The following STAG1 variants were observed in gnomAD, a reference collection of about 807,000 sequenced individuals.
STAG1 encodes the protein STAG1 cohesin complex component.
A neutral mutation model predicts 170.9 loss-of-function variants in STAG1; 26 were observed. The ratio of observed to expected loss-of-function variants is 0.15; its 90% confidence interval spans 0.11 to 0.21. The LOEUF is 0.21. Ranked by LOEUF, STAG1 falls within the 10% of genes least tolerant of loss-of-function variation. The probability of loss-of-function intolerance (pLI) is 1.00; values close to 1 mark genes in which losing one functional copy is unlikely to be tolerated. For synonymous variants in STAG1, 514 were observed against 497.7 expected, an observed-to-expected ratio of 1.03 and a Z score of -0.44; for missense variants, 964 against 1,509.5, an observed-to-expected ratio of 0.64 and a Z score of 5.99.
At chr3:136,643,121 T>C (rs1940866063) in intron 1 of STAG1, among the ~76,000 whole-genome samples, 1 of 152,248 alleles carries the variant, frequency 6.6e-6, no homozygotes, top group Non-Finnish European at 1.5e-5. Flanking sequence ...GGTATAGGAA[T>C]TAAGATTTCA....
chr3:136,696,683 ACTT>A (rs765747117), intron 1 of STAG1, among the ~76,000 whole-genome samples: 10 of 149,770 alleles, frequency 6.7e-5, no homozygotes, highest in Non-Finnish European at 1.1e-4. Flanking sequence ...TAAATCTTAA[ACTT>A]CTTTTTAATA....
chr3:136,705,468 A>C (rs967055162), intron 1 of STAG1, among the ~76,000 whole-genome samples: 8 of 151,884 alleles, frequency 5.3e-5, no homozygotes, highest in Admixed American at 5.3e-4. Context: ...GTCCCCACCC[A>C]GATCCTGAAT....
rs990023990 is a variant in STAG1 at position 136,730,050 on chromosome 3, G to A, written c.-84+22145C>T. On this transcript the variant is annotated intron_variant, in intron 1 of 33. Coordinates refer to ENST00000383202, the MANE Select transcript of STAG1 (RefSeq NM_005862.3). ...ACTACAGACACGTGCCACTACGCCC[G>A]GCTAATTGTGGTTAAGAGACAGAGT... Among the ~76,000 whole-genome samples the A allele has an allele frequency of 4.0e-5, 6 of 151,712 alleles. No homozygotes were observed. The East Asian group carries it at 5.8e-4, about 15-fold the overall frequency.
intron 28 of STAG1, among the ~76,000 whole-genome samples, chr3:136,357,217 A>G (rs973870728): frequency 8.6e-5 from 13 of 151,976 alleles, no homozygotes; most frequent in African/African-American, 2.7e-4. Flanking sequence ...CAAAGTGCTG[A>G]GATTACAGGT....
intron 21 of STAG1, among the ~76,000 whole-genome samples, chr3:136,410,376 C>G (rs1328772192): frequency 6.6e-6 from 1 of 152,072 alleles, no homozygotes; most frequent in Admixed American, 6.6e-5. Flanking sequence ...TACACTCCAG[C>G]CTGGGCAACA....
At chr3:136,430,454 T>C (rs1025151046) in intron 16 of STAG1, among the ~76,000 whole-genome samples, 16 of 152,104 alleles carry the variant, frequency 1.1e-4, no homozygotes, top group Non-Finnish European at 2.4e-4. Flanking sequence ...CTTTTTCCCT[T>C]TTGTGTTACT....
intron 5 of STAG1, among the ~76,000 whole-genome samples, chr3:136,551,209 GA>G (rs1936373379): frequency 5.2e-4 from 7 of 13,422 alleles, no homozygotes; most frequent in East Asian, 8.1e-3. Context: ...GAGAGAGAGT[GA>G]GAGAGAGAGA....
chr3:136,499,178 T>C (rs1349767190), intron 9 of STAG1, among the ~76,000 whole-genome samples: 1 of 152,150 alleles, frequency 6.6e-6, no homozygotes, highest in Admixed American at 6.6e-5. Context: ...GTCAGCTGTG[T>C]ATGTGTGTAT....
chr3:136,638,639 G>A (rs1012247273), intron 1 of STAG1, among the ~76,000 whole-genome samples: 3 of 151,978 alleles, frequency 2.0e-5, no homozygotes, highest in South Asian at 2.1e-4. Flanking sequence ...GCGGTAGCTC[G>A]CGCCTGAAAT....
chr3:136,543,553 C>G (rs1301148786), intron 5 of STAG1, among the ~76,000 whole-genome samples: 1 of 152,132 alleles, frequency 6.6e-6, no homozygotes, highest in Non-Finnish European at 1.5e-5. Context: ...TTAGAAGCCT[C>G]AGGAAATAAG....
intron 1 of STAG1, among the ~76,000 whole-genome samples, chr3:136,689,682 C>A (rs1942651801): frequency 6.6e-6 from 1 of 152,158 alleles, no homozygotes; most frequent in African/African-American, 2.4e-5. Flanking sequence ...AGAGATCTGA[C>A]TGACAAGCTT....
At chr3:136,620,658 G>C (rs1468426717) in intron 3 of STAG1, among the ~76,000 whole-genome samples, 1 of 152,138 alleles carries the variant, frequency 6.6e-6, no homozygotes, top group Non-Finnish European at 1.5e-5. Flanking sequence ...TTACATTGTT[G>C]GCACAATCAA....
intron 15 of STAG1, among the ~76,000 whole-genome samples, chr3:136,435,111 T>C (rs2088417579): frequency 6.6e-6 from 1 of 152,250 alleles, no homozygotes; most frequent in African/African-American, 2.4e-5. Context: ...ACTTAATATG[T>C]AACTTAATTC....
At chr3:136,383,954 C>CAAAAA (rs71304276) in intron 22 of STAG1, among the ~76,000 whole-genome samples, 4 of 58,992 alleles carry the variant, frequency 6.8e-5, no homozygotes, top group Admixed American at 1.9e-4. Flanking sequence ...GACTCCGTCT[C>CAAAAA]AAAAAAAAAA....
At chr3:136,601,661 AAAAC>A (rs902869948) in intron 4 of STAG1, among the ~76,000 whole-genome samples, 22 of 152,196 alleles carry the variant, frequency 1.4e-4, no homozygotes, top group African/African-American at 3.6e-4. Context: ...CTAAAAATAC[AAAAC>A]AAACAAACAA....
intron 29 of STAG1, chr3:136,348,836 A>C: frequency 3.6e-6 from 1 of 276,834 alleles, no homozygotes; most frequent in East Asian, 9.1e-5. Flanking sequence ...GAATTTTAAT[A>C]GAATAGCATT....
chr3:136,461,595 A>AC lies in STAG1; in HGVS notation c.1313+3285_1313+3286insG, dbSNP rs1193680360. Reference sequence around the variant, plus strand: ...AACTAGCAAGACTCCGTCTTGAAAAAAAAAAAAAAAGAGAAAGAAAACACT... The same window carrying AC: ...AACTAGCAAGACTCCGTCTTGAAAAACAAAAAAAAAAGAGAAAGAAAACACT... On this transcript the variant is annotated intron_variant, in intron 13 of 33. Coordinates refer to ENST00000383202, the MANE Select transcript of STAG1 (RefSeq NM_005862.3). Among the ~76,000 whole-genome samples the AC allele has an allele frequency of 5.9e-5, 9 of 152,010 alleles. 1 individual carries two copies. The East Asian group carries it at 7.7e-4, about 13-fold the overall frequency.
chr3:136,478,213 C>T (rs1349871761), intron 9 of STAG1, among the ~76,000 whole-genome samples: 2 of 152,184 alleles, frequency 1.3e-5, no homozygotes, highest in Non-Finnish European at 2.9e-5. Flanking sequence ...GAAGAATCCA[C>T]CTCTAGTGAC....
chr3:136,398,926 T>C, intron 21 of STAG1, 97 bp from the exon 22 acceptor site: 1 of 622,970 alleles, frequency 1.6e-6, no homozygotes, highest in Non-Finnish European at 2.5e-6. Flanking sequence ...ACAGTTGTTA[T>C]TTTATAGTAT....
Sources: gnomAD v4.1 joint callset for allele counts (sites outside exome capture counted in the v4.1 genomes callset) on GRCh38, gnomAD v4.1.1 for gene constraint, MANE v1.5 for transcripts, NCBI Gene and HGNC (gene_info 2026-07-23, HGNC 2026-07-21) for gene names.